The following SGPP2 variants were observed in gnomAD, a reference collection of about 807,000 sequenced individuals.
The protein encoded by SGPP2 is sphingosine-1-phosphate phosphatase 2.
Under a neutral mutation model 33.9 loss-of-function variants are expected in SGPP2, and 30 were observed. That is an observed-to-expected ratio of 0.89 (90% CI 0.66 to 1.20). The LOEUF (loss-of-function observed/expected upper bound fraction) is 1.20. Ranked by LOEUF, SGPP2 falls within the 50% of genes most tolerant of loss-of-function variation. SGPP2 has a pLI of 0.00. For missense variants in SGPP2, 458 were observed against 532.1 expected (o/e 0.86, Z 1.37); for synonymous variants, 233 against 225.0 (o/e 1.04, Z -0.32).
At position 222,547,987 on chromosome 2, in the gene SGPP2, A is replaced by G. The variant is rs572215727; in HGVS notation, c.649-10360A>G. On this transcript the variant is annotated intron_variant, in intron 4 of 4. Coordinates refer to ENST00000321276, the MANE Select transcript of SGPP2 (RefSeq NM_152386.4). ...AGACAATCTAATAAAGAAATATTACATTGAGATTTCTGGGTTATATACAAA... is the reference window on the plus strand; with the variant it reads ...AGACAATCTAATAAAGAAATATTACGTTGAGATTTCTGGGTTATATACAAA... Among the ~76,000 whole-genome samples the G allele has an allele frequency of 2.0e-5, 3 of 152,350 alleles. No homozygotes were observed. The South Asian group carries it at 6.2e-4, about 32-fold the overall frequency.
At chr2:222,438,826 G>A (rs1335527766) in intron 1 of SGPP2, among the ~76,000 whole-genome samples, 5 of 152,156 alleles carry the variant, frequency 3.3e-5, no homozygotes, top group African/African-American at 7.2e-5. Flanking sequence ...CCAGGGATGC[G>A]ATATTGGTTT....
intron 2 of SGPP2, among the ~76,000 whole-genome samples, chr2:222,510,057 A>G (rs540449750): frequency 4.9e-4 from 74 of 152,222 alleles, no homozygotes; most frequent in African/African-American, 1.7e-3. Context: ...CTTTCTTTCT[A>G]TGGCCAAATA....
At chr2:222,538,432 C>A (rs1047711140) in intron 4 of SGPP2, among the ~76,000 whole-genome samples, 2 of 152,056 alleles carry the variant, frequency 1.3e-5, no homozygotes, top group African/African-American at 4.8e-5. Context: ...ACATAGAAAT[C>A]TGTTATATCA....
At chr2:222,506,614 C>T (rs891090168) in intron 2 of SGPP2, among the ~76,000 whole-genome samples, 3 of 152,018 alleles carry the variant, frequency 2.0e-5, no homozygotes, top group African/African-American at 7.2e-5. Context: ...GTTCATCAGT[C>T]GTTTATGTTG....
In SGPP2 at chr2:222,447,424, C is replaced by T. The variant is rs531041343; in HGVS notation, c.219+22603C>T. Among the ~76,000 whole-genome samples, 168 of 152,242 alleles carry T rather than the reference C, an allele frequency of 1.1e-3. 1 individual carries two copies. The highest frequency in any genetic ancestry group is 3.4e-3 in the Middle Eastern group (1 of 294). On this transcript the variant is annotated intron_variant, in intron 1 of 4. Coordinates refer to ENST00000321276, the MANE Select transcript of SGPP2 (RefSeq NM_152386.4). ...AAGCCACAAGAAAGTGGGTAGTGTC[C>T]GGTAAGCAATTAACAGTGTCTGTGT...
rs990305807 is a variant in SGPP2, at chr2:222,506,878, A to AAT, written c.379-14878_379-14877dup. On this transcript the variant is annotated intron_variant, in intron 2 of 4. Coordinates refer to ENST00000321276, the MANE Select transcript of SGPP2 (RefSeq NM_152386.4). ...ATGGCTTAGAACTTAAAGTATAATA[A>AAT]ATATATATATATTAAAAAAAAGAAA... Among the ~76,000 whole-genome samples the AAT allele has an allele frequency of 2.4e-4, 37 of 151,830 alleles. 1 individual carries two copies. Among genetic ancestry groups the AAT allele is most frequent in the East Asian group, 2.3e-3 (12 of 5,172 alleles).
chr2:222,483,711 A>C (rs1474184193), intron 2 of SGPP2, among the ~76,000 whole-genome samples: 1 of 152,186 alleles, frequency 6.6e-6, no homozygotes. Context: ...CACCTGGTTA[A>C]AGACAAGAGG....
At chr2:222,544,991 G>A (rs892933018) in intron 4 of SGPP2, among the ~76,000 whole-genome samples, 1 of 150,504 alleles carries the variant, frequency 6.6e-6, no homozygotes, top group Non-Finnish European at 1.5e-5. Flanking sequence ...TCCTATCTAA[G>A]TATATTTCTC....
chr2:222,479,933 C>A (rs1039520130), intron 2 of SGPP2, among the ~76,000 whole-genome samples: 13 of 152,318 alleles, frequency 8.5e-5, no homozygotes, highest in Admixed American at 8.5e-4. Context: ...TCACTAACTT[C>A]TCTCCTCTGT....
At chr2:222,480,221 G>A (rs765635420) in intron 2 of SGPP2, among the ~76,000 whole-genome samples, 1 of 152,132 alleles carries the variant, frequency 6.6e-6, no homozygotes, top group Non-Finnish European at 1.5e-5. Context: ...GAGGTATTTA[G>A]TTTTGTAACA....
chr2:222,506,797 T>C (rs1372320344), intron 2 of SGPP2, among the ~76,000 whole-genome samples: 1 of 152,060 alleles, frequency 6.6e-6, no homozygotes, highest in Non-Finnish European at 1.5e-5. Flanking sequence ...ATCTCACAAG[T>C]GTTTCACTAA....
At chr2:222,470,501 C>T (rs1697821919) in intron 1 of SGPP2, among the ~76,000 whole-genome samples, 1 of 152,096 alleles carries the variant, frequency 6.6e-6, no homozygotes, top group Non-Finnish European at 1.5e-5. Flanking sequence ...GTTAGCTTTT[C>T]CCTCAAAAAA....
At chr2:222,524,548 C>T (rs1256645368) in intron 3 of SGPP2, among the ~76,000 whole-genome samples, 1 of 152,176 alleles carries the variant, frequency 6.6e-6, no homozygotes, top group African/African-American at 2.4e-5. Flanking sequence ...AGATTATAGC[C>T]CTGGCTATCT....
intron 1 of SGPP2, among the ~76,000 whole-genome samples, chr2:222,449,023 G>A (rs534664513): frequency 2.0e-5 from 3 of 152,316 alleles, no homozygotes; most frequent in South Asian, 2.1e-4. Flanking sequence ...TCCTGACCGT[G>A]AAGGTTGCTC....
intron 1 of SGPP2, among the ~76,000 whole-genome samples, chr2:222,443,686 G>A (rs1461605218): frequency 6.6e-6 from 1 of 152,034 alleles, no homozygotes; most frequent in African/African-American, 2.4e-5. Context: ...TGGTTTTGGT[G>A]CTGTTGACTT....
chr2:222,474,507 A>G (rs1697898779), intron 1 of SGPP2, 61 bp from the exon 2 acceptor site: 1 of 1,490,920 alleles, frequency 6.7e-7, no homozygotes, highest in African/African-American at 1.4e-5. Context: ...TTTTAGACAG[A>G]GATGTTTAAA....
intron 2 of SGPP2, among the ~76,000 whole-genome samples, chr2:222,487,694 C>G (rs57733910): frequency 6.6e-6 from 1 of 152,100 alleles, no homozygotes; most frequent in Non-Finnish European, 1.5e-5. Flanking sequence ...AGAGACAGTC[C>G]GGTGGCAGTG....
chr2:222,470,365 G>C (rs1420441951), intron 1 of SGPP2, among the ~76,000 whole-genome samples: 3 of 152,138 alleles, frequency 2.0e-5, no homozygotes, highest in Admixed American at 2.0e-4. Flanking sequence ...GAAAGTATTG[G>C]CTCTCAAGCG....
At chr2:222,427,209 A>G (rs10084351) in intron 1 of SGPP2, among the ~76,000 whole-genome samples, 117,037 of 152,184 alleles carry the variant, frequency 0.77, 45,130 homozygotes, top group Middle Eastern at 0.9. Context: ...CGTAGGAGGG[A>G]CTAGTGACTT....
Sources: allele counts gnomAD v4.1 joint callset (sites outside exome capture counted in the v4.1 genomes callset), GRCh38; gene constraint gnomAD v4.1.1; transcripts MANE v1.5; gene names NCBI Gene and HGNC (gene_info 2026-07-23, HGNC 2026-07-21).